Variants in ANKS1B observed in about 807,000 individuals in gnomAD.
The protein encoded by ANKS1B is ankyrin repeat and sterile alpha motif domain-containing protein 1B.
Under a neutral mutation model 148.3 loss-of-function variants are expected in ANKS1B, and 36 were observed. The observed-to-expected ratio is 0.24, with a 90% confidence interval of 0.19 to 0.32. The LOEUF is 0.32. Among genes scored for constraint, ANKS1B ranks in the 10% least tolerant of loss-of-function variants. The pLI is 1.00. For missense variants in ANKS1B, 1,157 were observed against 1,542.6 expected, an observed-to-expected ratio of 0.75 and a Z score of 4.19; for synonymous variants, 542 against 560.8, an observed-to-expected ratio of 0.97 and a Z score of 0.47.
intron 9 of ANKS1B, among the ~76,000 whole-genome samples, chr12:99,589,384 T>C (rs977540360): frequency 1.4e-4 from 22 of 152,176 alleles, no homozygotes; most frequent in African/African-American, 5.1e-4. Context: ...CATCTGAAGT[T>C]CCCCTTCCCC....
intron 9 of ANKS1B, among the ~76,000 whole-genome samples, chr12:99,606,451 T>C (rs2097852215): frequency 6.6e-6 from 1 of 152,150 alleles, no homozygotes; most frequent in Non-Finnish European, 1.5e-5. Context: ...TAGCAAACTT[T>C]GTGAACTGTC....
At chr12:99,296,878 A>G (rs899751472) in intron 12 of ANKS1B, among the ~76,000 whole-genome samples, 1 of 152,218 alleles carries the variant, frequency 6.6e-6, no homozygotes, top group Non-Finnish European at 1.5e-5. Context: ...TAACTTATTT[A>G]TGAAATGATA....
intron 9 of ANKS1B, among the ~76,000 whole-genome samples, chr12:99,614,460 A>AGGAGGGGAGG (rs1196136050): frequency 1.8e-5 from 1 of 55,698 alleles, no homozygotes; most frequent in African/African-American, 6.9e-5. Context: ...GGAAGGGAAG[A>AGGAGGGGAGG]GGAGGGGAGG....
intron 12 of ANKS1B, among the ~76,000 whole-genome samples, chr12:99,372,692 A>G (rs1413807154): frequency 2.0e-5 from 3 of 152,118 alleles, no homozygotes; most frequent in African/African-American, 7.2e-5. Context: ...ACACTCACGC[A>G]CATTATTTTT....
intron 17 of ANKS1B, among the ~76,000 whole-genome samples, chr12:98,948,327 T>C (rs1353983762): frequency 6.6e-6 from 1 of 152,206 alleles, no homozygotes; most frequent in African/African-American, 2.4e-5. Flanking sequence ...CCTTGTTGCA[T>C]TGTAAAAACT....
At chr12:98,953,751 C>T (rs1300775853) in intron 17 of ANKS1B, among the ~76,000 whole-genome samples, 1 of 152,042 alleles carries the variant, frequency 6.6e-6, no homozygotes, top group African/African-American at 2.4e-5. Context: ...CAAGCTGACT[C>T]CAGTTGATCT....
chr12:99,899,935 G>A (rs1339171260), intron 1 of ANKS1B, among the ~76,000 whole-genome samples: 1 of 149,502 alleles, frequency 6.7e-6, no homozygotes, highest in African/African-American at 2.5e-5. Context: ...ATCTCGCTTT[G>A]TCGCCCAGGC....
chr12:99,123,909 C>A (rs1172220362), intron 15 of ANKS1B, among the ~76,000 whole-genome samples: 1 of 152,166 alleles, frequency 6.6e-6, no homozygotes, highest in Non-Finnish European at 1.5e-5. Flanking sequence ...CAATACATTG[C>A]ATCCTTCAAC....
At chr12:99,334,502 C>G (rs1170302450) in intron 12 of ANKS1B, among the ~76,000 whole-genome samples, 1 of 152,006 alleles carries the variant, frequency 6.6e-6, no homozygotes, top group African/African-American at 2.4e-5. Flanking sequence ...ACAGAACAAG[C>G]ATTATGATAT....
intron 2 of ANKS1B, among the ~76,000 whole-genome samples, chr12:99,823,892 T>A (rs945033156): frequency 6.6e-6 from 1 of 152,220 alleles, no homozygotes. Context: ...GAATACCAGA[T>A]GGCTATAGGT....
intron 15 of ANKS1B, among the ~76,000 whole-genome samples, chr12:99,132,461 C>T (rs774127554): frequency 2.0e-5 from 3 of 149,786 alleles, no homozygotes; most frequent in South Asian, 2.1e-4. Flanking sequence ...GACAACATAG[C>T]GAGACCTTGT....
In ANKS1B at chr12:98,811,398, G is replaced by A. The variant is rs1273054092; in HGVS notation, c.3067-3480C>T. The stretch of plus-strand genomic sequence containing the variant: ...TTGTCACACAGAACAGTAGAAGGGC[G>A]GGCTGCTCTGTGAACACTCCCCCTC... On this transcript the variant is annotated intron_variant, in intron 19 of 26. Transcript: ENST00000683438. Among the ~76,000 whole-genome samples the A allele has an allele frequency of 2.6e-5, 4 of 152,094 alleles. No individual in the cohort carries two copies. The South Asian group carries it at 6.2e-4, about 24-fold the overall frequency.
intron 8 of ANKS1B, among the ~76,000 whole-genome samples, chr12:99,756,525 C>G (rs1034048989): frequency 6.6e-6 from 1 of 151,976 alleles, no homozygotes; most frequent in Non-Finnish European, 1.5e-5. Flanking sequence ...AGATTCAATA[C>G]TATTCCTATT....
At chr12:99,054,174 G>A (rs145256285) in intron 16 of ANKS1B, among the ~76,000 whole-genome samples, 9 of 152,240 alleles carry the variant, frequency 5.9e-5, no homozygotes, top group Middle Eastern at 3.4e-3. Context: ...ATGCCACGCC[G>A]TATATCTAAT....
At chr12:99,829,314 A>C (rs1009446148) in intron 1 of ANKS1B, among the ~76,000 whole-genome samples, 1 of 152,010 alleles carries the variant, frequency 6.6e-6, no homozygotes, top group Non-Finnish European at 1.5e-5. Flanking sequence ...CAGGAGTTTG[A>C]GACAAGCCTG....
intron 9 of ANKS1B, among the ~76,000 whole-genome samples, chr12:99,630,785 C>T (rs750402401): frequency 1.3e-5 from 2 of 152,214 alleles, no homozygotes; most frequent in Non-Finnish European, 2.9e-5. Context: ...TGGGACTCTA[C>T]AGCACGTCCT....
At chr12:99,857,721 G>A (rs1387287678) in intron 1 of ANKS1B, among the ~76,000 whole-genome samples, 1 of 152,058 alleles carries the variant, frequency 6.6e-6, no homozygotes, top group Non-Finnish European at 1.5e-5. Context: ...AGAGAACCCA[G>A]AAATACACCC....
intron 17 of ANKS1B, among the ~76,000 whole-genome samples, chr12:98,889,342 C>T (rs1232414173): frequency 1.3e-5 from 2 of 149,826 alleles, no homozygotes; most frequent in Admixed American, 6.9e-5. Context: ...AACGTCAGAA[C>T]CTTTTTTATT....
intron 9 of ANKS1B, among the ~76,000 whole-genome samples, chr12:99,567,152 T>C (rs969918444): frequency 6.6e-6 from 1 of 152,178 alleles, no homozygotes; most frequent in Non-Finnish European, 1.5e-5. Flanking sequence ...ACTCAGGTCA[T>C]TGGAAGAATT....
Sources: gnomAD v4.1 joint callset for allele counts (sites outside exome capture counted in the v4.1 genomes callset) on GRCh38, gnomAD v4.1.1 for gene constraint, MANE v1.5 for transcripts, NCBI Gene and HGNC (gene_info 2026-07-23, HGNC 2026-07-21) for gene names.